The following SEZ6L variants were observed in gnomAD, a reference collection of about 807,000 sequenced individuals.
SEZ6L encodes seizure 6-like protein.
SEZ6L carries 37 observed loss-of-function variants against 106.2 expected under a neutral mutation model. That is an observed-to-expected ratio of 0.35 (90% CI 0.27 to 0.46). The LOEUF is 0.46. SEZ6L is among the 20% of genes least tolerant of loss of function. The pLI, the probability that SEZ6L is intolerant of heterozygous loss-of-function variation, is 1.00. For synonymous variants in SEZ6L, 541 were observed against 570.4 expected, an observed-to-expected ratio of 0.95 and a Z score of 0.73; for missense variants, 1,172 against 1,332.8, an observed-to-expected ratio of 0.88 and a Z score of 1.88.
At chr22:26,285,220 A>T (rs564716530) in intron 1 of SEZ6L, among the ~76,000 whole-genome samples, 1 of 152,342 alleles carries the variant, frequency 6.6e-6, no homozygotes, top group East Asian at 1.9e-4. Context: ...TGCCTGGGCC[A>T]GTGACGAGCA....
chr22:26,284,334 C>T (rs750313426), intron 1 of SEZ6L, among the ~76,000 whole-genome samples: 2 of 152,132 alleles, frequency 1.3e-5, no homozygotes, highest in Non-Finnish European at 2.9e-5. Context: ...TGGCCGGGTG[C>T]GGTGGCTCAT....
At chr22:26,289,820 G>A (rs2081052391) in intron 1 of SEZ6L, among the ~76,000 whole-genome samples, 1 of 152,210 alleles carries the variant, frequency 6.6e-6, no homozygotes, top group Non-Finnish European at 1.5e-5. Context: ...GACTGTAGCT[G>A]AGTGAGTGTC....
In SEZ6L at chr22:26,195,904, T is replaced by G. The variant is rs1483090954; in HGVS notation, c.94+26141T>G. Among the ~76,000 whole-genome samples, 6 of 152,212 alleles carry G rather than the reference T, an allele frequency of 3.9e-5. No homozygotes were observed. In the East Asian group the frequency reaches 1.2e-3, roughly 29 times the overall value. ...GTCATGGAAGGCTTCTATGAGGCAT[T>G]GACCTTTAAACTAAGATCTGATGGA... is the stretch of plus-strand genomic sequence containing the variant. On this transcript the variant is annotated intron_variant, in intron 1 of 16. Coordinates refer to ENST00000248933, the MANE Select transcript of SEZ6L (RefSeq NM_021115.5).
chr22:26,202,826 G>A (rs1453925573), intron 1 of SEZ6L, among the ~76,000 whole-genome samples: 1 of 152,164 alleles, frequency 6.6e-6, no homozygotes, highest in Non-Finnish European at 1.5e-5. Context: ...GCTTGCATAG[G>A]ACGAGTCATT....
chr22:26,320,677 C>T (rs1010828488), intron 9 of SEZ6L, among the ~76,000 whole-genome samples: 1 of 152,282 alleles, frequency 6.6e-6, no homozygotes, highest in African/African-American at 2.4e-5. Context: ...AAATACAGCA[C>T]TCTGGGGGCC....
chr22:26,369,906 C>A (rs144201578), intron 13 of SEZ6L, among the ~76,000 whole-genome samples: 1 of 151,858 alleles, frequency 6.6e-6, no homozygotes, highest in Non-Finnish European at 1.5e-5. Flanking sequence ...CGTGAGCCAT[C>A]ATACCCGACC....
At position 26,229,099 on chromosome 22, in the gene SEZ6L, C is replaced by A. The variant is rs554400636; in HGVS notation, c.94+59336C>A. Among the ~76,000 whole-genome samples, 257 of 152,264 alleles carry A rather than the reference C, an allele frequency of 1.7e-3. 3 individuals are homozygous for A. The highest frequency in any genetic ancestry group is 2.3e-3 in the Non-Finnish European group (154 of 68,012). ...GCAACCTCTGCTTCCCAGGTTCAAG[C>A]GATTCTCCTGCCTCAGCCTCCCGAG... On this transcript the variant is annotated intron_variant, in intron 1 of 16. Transcript: ENST00000248933.
intron 1 of SEZ6L, among the ~76,000 whole-genome samples, chr22:26,189,671 G>A (rs183124747): frequency 4.6e-5 from 7 of 152,218 alleles, no homozygotes; most frequent in African/African-American, 1.2e-4. Flanking sequence ...TAAGTTGTAC[G>A]CAAATACTAC....
chr22:26,282,235 C>G (rs2080795028), intron 1 of SEZ6L, among the ~76,000 whole-genome samples: 1 of 152,234 alleles, frequency 6.6e-6, no homozygotes, highest in South Asian at 2.1e-4. Flanking sequence ...AGATATTTTA[C>G]TGTGTTCTAC....
chr22:26,379,998 G>C (rs1410670802), intron 16 of SEZ6L, among the ~76,000 whole-genome samples: 1 of 152,224 alleles, frequency 6.6e-6, no homozygotes, highest in Non-Finnish European at 1.5e-5. Context: ...TTTTCCTGAA[G>C]AGACTAAAGC....
intron 1 of SEZ6L, among the ~76,000 whole-genome samples, chr22:26,194,899 C>T (rs974315418): frequency 3.3e-5 from 5 of 152,154 alleles, no homozygotes; most frequent in Admixed American, 2.6e-4. Context: ...TGGTGTAGTT[C>T]GAATTATCTT....
chr22:26,305,521 A>G (rs1215646083), intron 5 of SEZ6L, among the ~76,000 whole-genome samples: 2 of 152,220 alleles, frequency 1.3e-5, no homozygotes, highest in African/African-American at 4.8e-5. Flanking sequence ...AATACAGCTT[A>G]GATTTGCATT....
At chr22:26,333,892 G>C (rs1400680303) in intron 9 of SEZ6L, among the ~76,000 whole-genome samples, 2 of 152,152 alleles carry the variant, frequency 1.3e-5, no homozygotes, top group Admixed American at 1.3e-4. Context: ...CACAGGGAAG[G>C]GAATGTGAAA....
rs546975140 is a variant in SEZ6L, at chr22:26,292,412, T to C, written c.101T>C (p.Leu34Pro). ...TCTTTTCTCCTCTTCCAAGATGCTC[T>C]TCCCGAGGGAGATGCTAGCCCTTTG... ...SPAAALERDA[L>P]PEGDASPLGP... Residue 34 changes from leucine to proline, a missense_variant, in exon 2 of 17, where the codon CTT becomes CCT. Leu to Pro is a moderately conservative substitution (Grantham distance 98, BLOSUM62 -3). Transcript: ENST00000248933. 6.2e-6 allele frequency: 10 copies of C among 1,611,108 alleles called. No individual in the cohort carries two copies. In the Admixed American group the frequency reaches 1.5e-4, roughly 24 times the overall value.
chr22:26,294,181 T>C (rs766331542), intron 2 of SEZ6L, 111 bp from the exon 3 acceptor site: 21 of 987,958 alleles, frequency 2.1e-5, no homozygotes, highest in South Asian at 4.7e-5. Flanking sequence ...GAAGGACAGA[T>C]GGGAACAGCA....
chr22:26,250,355 G>A (rs4538306), intron 1 of SEZ6L, among the ~76,000 whole-genome samples: 32,486 of 152,000 alleles, frequency 0.21, 4,056 homozygotes, highest in South Asian at 0.32. Flanking sequence ...ATAAGAGATA[G>A]GGGTCTACTT....
chr22:26,369,010 A>G (rs2083912732), intron 13 of SEZ6L, among the ~76,000 whole-genome samples: 1 of 152,080 alleles, frequency 6.6e-6, no homozygotes, highest in Non-Finnish European at 1.5e-5. Flanking sequence ...GTGTGTTCAC[A>G]CATTCCCGAA....
At chr22:26,219,086 G>A (rs1217779277) in intron 1 of SEZ6L, among the ~76,000 whole-genome samples, 1 of 152,078 alleles carries the variant, frequency 6.6e-6, no homozygotes, top group Admixed American at 6.5e-5. Flanking sequence ...TTCTGGATTC[G>A]AGTGCTGGTT....
intron 1 of SEZ6L, among the ~76,000 whole-genome samples, chr22:26,177,927 T>A (rs1194934384): frequency 6.6e-6 from 1 of 152,168 alleles, no homozygotes; most frequent in Non-Finnish European, 1.5e-5. Flanking sequence ...TTACTCAAAG[T>A]CCCAACTGTG....
Sources: allele counts gnomAD v4.1 joint callset (sites outside exome capture counted in the v4.1 genomes callset), GRCh38; gene constraint gnomAD v4.1.1; transcripts MANE v1.5; gene names NCBI Gene and HGNC (gene_info 2026-07-23, HGNC 2026-07-21).